Variants in B3GALT1 observed in about 807,000 individuals in gnomAD.
B3GALT1 encodes UDP-Gal:betaGlcNAc beta 1,3-galactosyltransferase, polypeptide 1.
B3GALT1 carries 10 observed loss-of-function variants against 23.2 expected under a neutral mutation model. The ratio of observed to expected loss-of-function variants is 0.43; its 90% CI spans 0.27 to 0.73. The LOEUF is 0.73. B3GALT1 is among the 30% of genes least tolerant of loss of function. B3GALT1 has a pLI of 0.21. For synonymous variants in B3GALT1, 156 were observed against 141.5 expected (o/e 1.10, Z -0.73); for missense variants, 299 against 405.4 (o/e 0.74, Z 2.25).
At chr2:167,376,235 G>T (rs1369563266) in intron 1 of B3GALT1, among the ~76,000 whole-genome samples, 1 of 152,124 alleles carries the variant, frequency 6.6e-6, no homozygotes, top group African/African-American at 2.4e-5. Flanking sequence ...TGTGCTAATG[G>T]ATTCAGATTG....
intron 1 of B3GALT1, among the ~76,000 whole-genome samples, chr2:167,416,746 T>C (rs1698477178): frequency 6.6e-6 from 1 of 152,190 alleles, no homozygotes. Flanking sequence ...TGGGGCTACC[T>C]GAAGCCTTGG....
At chr2:167,578,017 T>G (rs895462344) in intron 2 of B3GALT1, among the ~76,000 whole-genome samples, 1 of 151,910 alleles carries the variant, frequency 6.6e-6, no homozygotes, top group African/African-American at 2.4e-5. Flanking sequence ...CAAAAATTTT[T>G]TTTACCCTGC....
At chr2:167,687,042 A>G (rs1450911382) in intron 3 of B3GALT1, among the ~76,000 whole-genome samples, 1 of 152,196 alleles carries the variant, frequency 6.6e-6, no homozygotes, top group Non-Finnish European at 1.5e-5. Flanking sequence ...AGAGGTCTCA[A>G]TGTCAACCTA....
chr2:167,607,883 T>G (rs1684994283), intron 2 of B3GALT1, among the ~76,000 whole-genome samples: 1 of 152,154 alleles, frequency 6.6e-6, no homozygotes, highest in East Asian at 1.9e-4. Context: ...TAAACATACT[T>G]TAACACTCCT....
intron 4 of B3GALT1, among the ~76,000 whole-genome samples, chr2:167,822,212 T>C (rs147224341): frequency 3.0e-4 from 46 of 152,270 alleles, no homozygotes; most frequent in African/African-American, 1.1e-3. Context: ...ATTCCAAAAA[T>C]CCTGCATTAC....
chr2:167,446,913 G>C (rs1208350254), intron 1 of B3GALT1, among the ~76,000 whole-genome samples: 1 of 152,018 alleles, frequency 6.6e-6, no homozygotes, highest in Non-Finnish European at 1.5e-5. Context: ...GAGGAGCTAC[G>C]TTCCTTTGGA....
chr2:167,558,120 T>A (rs927938590), intron 2 of B3GALT1: 2 of 152,242 alleles, frequency 1.3e-5, no homozygotes, highest in Non-Finnish European at 2.9e-5. Context: ...TACATTGTTT[T>A]TGTCTTATCT....
chr2:167,669,622 A>G (rs1558943738), intron 3 of B3GALT1, among the ~76,000 whole-genome samples: 1 of 152,256 alleles, frequency 6.6e-6, no homozygotes, highest in South Asian at 2.1e-4. Flanking sequence ...AAAGAAATGT[A>G]TCTAAAATTT....
intron 3 of B3GALT1, among the ~76,000 whole-genome samples, chr2:167,703,895 C>G (rs1686922133): frequency 6.6e-6 from 1 of 152,102 alleles, no homozygotes; most frequent in Non-Finnish European, 1.5e-5. Context: ...GAAAAGGTAA[C>G]TCAGGGCCCG....
At chr2:167,505,957 G>A (rs927676812) in intron 2 of B3GALT1, among the ~76,000 whole-genome samples, 14 of 152,078 alleles carry the variant, frequency 9.2e-5, no homozygotes, top group Non-Finnish European at 1.3e-4. Context: ...CTACTTGGGA[G>A]GCTGAGGCAG....
intron 3 of B3GALT1, among the ~76,000 whole-genome samples, chr2:167,728,655 T>C (rs1687359072): frequency 6.6e-6 from 1 of 152,230 alleles, no homozygotes; most frequent in Non-Finnish European, 1.5e-5. Context: ...GTTTCATGAA[T>C]GTTAAAAAGC....
At chr2:167,807,993 G>A (rs1288680104) in intron 3 of B3GALT1, among the ~76,000 whole-genome samples, 2 of 152,016 alleles carry the variant, frequency 1.3e-5, no homozygotes, top group Admixed American at 1.3e-4. Flanking sequence ...CTCCTGTATT[G>A]GGTGCATATA....
At chr2:167,632,570 G>C (rs189323058) in intron 2 of B3GALT1, among the ~76,000 whole-genome samples, 5 of 151,912 alleles carry the variant, frequency 3.3e-5, no homozygotes, top group Non-Finnish European at 7.4e-5. Context: ...TTTTTCATAT[G>C]TTTGTTGGCT....
At chr2:167,576,695 G>A (rs1292136984) in intron 2 of B3GALT1, among the ~76,000 whole-genome samples, 1 of 151,612 alleles carries the variant, frequency 6.6e-6, no homozygotes, top group African/African-American at 2.4e-5. Flanking sequence ...GTGTTTATTA[G>A]CATTGATCAT....
At chr2:167,464,695 C>T (rs1699318340) in intron 1 of B3GALT1, among the ~76,000 whole-genome samples, 1 of 152,112 alleles carries the variant, frequency 6.6e-6, no homozygotes, top group Admixed American at 6.5e-5. Context: ...CCTCCACTTG[C>T]AAATCTTTCA....
chr2:167,327,369 T>A (rs1696911521), intron 1 of B3GALT1, among the ~76,000 whole-genome samples: 1 of 152,142 alleles, frequency 6.6e-6, no homozygotes, highest in Admixed American at 6.5e-5. Flanking sequence ...ACAATGTGAA[T>A]TCTTCTGATC....
chr2:167,478,549 T>C (rs536257427), intron 1 of B3GALT1, among the ~76,000 whole-genome samples: 1 of 131,554 alleles, frequency 7.6e-6, no homozygotes, highest in East Asian at 2.5e-4. Context: ...AACTTTCTTT[T>C]TTTTTTAGGG....
chr2:167,810,571 G>A (rs1688866502), intron 3 of B3GALT1, among the ~76,000 whole-genome samples: 1 of 151,018 alleles, frequency 6.6e-6, no homozygotes, highest in Non-Finnish European at 1.5e-5. Flanking sequence ...GGCAGCAACA[G>A]GAATCTTAAT....
At chr2:167,615,144 G>A (rs1574169325) in intron 2 of B3GALT1, among the ~76,000 whole-genome samples, 1 of 152,090 alleles carries the variant, frequency 6.6e-6, no homozygotes, top group Non-Finnish European at 1.5e-5. Flanking sequence ...AAAAAGCAAG[G>A]TATGAATAGA....
Sources: allele counts gnomAD v4.1 joint callset (sites outside exome capture counted in the v4.1 genomes callset), GRCh38; gene constraint gnomAD v4.1.1; transcripts MANE v1.5; gene names NCBI Gene and HGNC (gene_info 2026-07-23, HGNC 2026-07-21).